DNAH8: variants seen among roughly 807,000 people sequenced by gnomAD.
The protein encoded by DNAH8 is dynein axonemal heavy chain 8.
In DNAH8, 382 loss-of-function variants were observed where a neutral mutation model predicts 562.1. The observed-to-expected ratio is 0.68, with a 90% CI of 0.63 to 0.74. The LOEUF is 0.74. Among genes scored for constraint, DNAH8 ranks in the 30% least tolerant of loss-of-function variants. DNAH8 has a pLI of 0.00. For missense variants in DNAH8, 5,203 were observed against 5,620.4 expected, an observed-to-expected ratio of 0.93 and a Z score of 2.37; for synonymous variants, 1,881 against 1,919.4, an observed-to-expected ratio of 0.98 and a Z score of 0.52.
chr6:38,786,058 T>A (rs1225981450), intron 17 of DNAH8, among the ~76,000 whole-genome samples: 1 of 152,242 alleles, frequency 6.6e-6, no homozygotes, highest in Non-Finnish European at 1.5e-5. Flanking sequence ...TTGTCTATAA[T>A]AAGTGTTTTA....
rs1761860581 is a variant in DNAH8 at position 38,950,959 on chromosome 6, T to TGCTTGCTGACCC, written c.12249-358_12249-347dup. ...CACTACACAAATGGTATGCCACAAA[T>TGCTTGCTGACCC]GCTTGCTGACCCACTTACTTTGGGC... On this transcript the variant is annotated intron_variant, in intron 81 of 92. Coordinates refer to ENST00000327475, the MANE Select transcript of DNAH8 (RefSeq NM_001206927.2). Among the ~76,000 whole-genome samples the TGCTTGCTGACCC allele has an allele frequency of 2.0e-5, 3 of 152,270 alleles. No homozygotes were observed. The South Asian group carries it at 6.2e-4, about 32-fold the overall frequency.
intron 10 of DNAH8, among the ~76,000 whole-genome samples, chr6:38,759,120 T>A (rs1303829074): frequency 6.6e-6 from 1 of 152,030 alleles, no homozygotes; most frequent in African/African-American, 2.4e-5. Flanking sequence ...CTGGGCAACA[T>A]AGAGAGACCT....
intron 80 of DNAH8, 117 bp from the exon 81 acceptor site, chr6:38,949,334 TA>T: frequency 2.8e-6 from 2 of 725,636 alleles, no homozygotes; most frequent in Non-Finnish European, 5.0e-6. Flanking sequence ...ACTGTGCTGT[TA>T]TGCTTGAAAA....
In DNAH8 at chr6:38,974,402, C is replaced by T. The variant is rs1583486241; in HGVS notation, c.12707C>T (p.Pro4236Leu). ...QTSLKFTNEP[P>L]QGVRAGLKRT... ...TCTCTCAAATTCACTAATGAGCCAC[C>T]CCAAGGTGTACGCGCAGGTTTGAAA... The change falls in exon 85 of 93, where the codon CCC becomes CTC. Residue 4236 changes from proline (P) to leucine (L), a missense_variant. Around this residue, in one of 6 missense-constraint regions of DNAH8, gnomAD observed 1,399 missense variants for 1,518.4 expected, o/e 0.92. Coordinates refer to ENST00000327475, the MANE Select transcript of DNAH8 (RefSeq NM_001206927.2). 1 of 1,613,784 alleles carries T rather than the reference C, an allele frequency of 6.2e-7. No homozygotes were observed. Among genetic ancestry groups the T allele is most frequent in the African/African-American group, 1.3e-5 (1 of 75,020 alleles).
chr6:38,875,975 A>G (rs570537071), intron 53 of DNAH8, 147 bp downstream of exon 53: 20 of 629,984 alleles, frequency 3.2e-5, no homozygotes, highest in Middle Eastern at 4.3e-4. Flanking sequence ...TGTATTTGAA[A>G]GAGAGTGGAA....
In DNAH8 at chr6:38,783,709, A is replaced by G. The variant is rs552725808; in HGVS notation, c.2395+570A>G. ...ATGTGAGACGGGATGGTTCTTAGCCATTATCCAGCCCTCCTGGATGTTGTT... is the reference window on the plus strand; with the variant it reads ...ATGTGAGACGGGATGGTTCTTAGCCGTTATCCAGCCCTCCTGGATGTTGTT... On this transcript the variant is annotated intron_variant, in intron 17 of 92. Transcript: ENST00000327475. Among the ~76,000 whole-genome samples the G allele has an allele frequency of 4.6e-5, 7 of 152,316 alleles. 2 individuals carry two copies. In the South Asian group the frequency reaches 1.4e-3, roughly 32 times the overall value.
intron 30 of DNAH8, among the ~76,000 whole-genome samples, chr6:38,830,634 CAAA>C (rs56761180): frequency 0.21 from 19,174 of 90,206 alleles, 1,436 homozygotes; most frequent in African/African-American, 0.33. Context: ...GACTCTATCT[CAAA>C]AAAAAAAAAA....
chr6:38,744,294 A>G (rs1418809441), intron 8 of DNAH8: 1 of 152,222 alleles, frequency 6.6e-6, no homozygotes. Flanking sequence ...GAAACAGAGC[A>G]GATCAAAACT....
In DNAH8 at chr6:38,938,950, G is replaced by A. The variant is rs1265988328; in HGVS notation, c.11969G>A (p.Gly3990Glu). 2.5e-6 allele frequency: 4 copies of A among 1,613,652 alleles called. No individual in the cohort carries two copies. The highest frequency in any genetic ancestry group is 2.2e-5 in the East Asian group (1 of 44,862). Residue 3990 changes from glycine to glutamate, a missense_variant, in exon 79 of 93, where the codon GGG becomes GAG. Coordinates refer to ENST00000327475, the MANE Select transcript of DNAH8 (RefSeq NM_001206927.2). Reference sequence around the variant, plus strand: ...ACCTTAAAGATTGACCTTCAGAGAGGGACAGTTAAGCACAGAGAGTTTCAA... The same window carrying A: ...ACCTTAAAGATTGACCTTCAGAGAGAGACAGTTAAGCACAGAGAGTTTCAA... ...LMTLKIDLQR[G>E]TVKHREFQAL...
At position 38,885,382 on chromosome 6, in the gene DNAH8, C is replaced by T. The variant is rs1778844052; in HGVS notation, c.8259+1384C>T. On this transcript the variant is annotated intron_variant, in intron 56 of 92. Transcript: ENST00000327475. The stretch of plus-strand genomic sequence containing the variant: ...TCACCTCCACTGCTACCACCTGGCG[C>T]CACCCACCACCAGCTCTCTTCTTGA... Among the ~76,000 whole-genome samples, 4 of 152,108 alleles carry T rather than the reference C, an allele frequency of 2.6e-5. No homozygotes were observed. The South Asian group carries it at 8.3e-4, about 32-fold the overall frequency.
intron 8 of DNAH8, among the ~76,000 whole-genome samples, chr6:38,744,932 A>G (rs1309348443): frequency 6.6e-6 from 1 of 152,010 alleles, no homozygotes; most frequent in Non-Finnish European, 1.5e-5. Flanking sequence ...GATATTAATC[A>G]CTCGTTATAT....
At position 38,761,734 on chromosome 6, in the gene DNAH8, A is replaced by G. The variant is rs146078369; in HGVS notation, c.1548A>G (p.Ala516=). The G allele has an allele frequency of 4.0e-5, 62 of 1,561,300 alleles. No homozygotes were observed. The African/African-American group carries it at 6.3e-4, about 16-fold the overall frequency. Residue 516 remains alanine, a synonymous_variant, in exon 11 of 93, where the codon GCA becomes GCG. Coordinates refer to ENST00000327475, the MANE Select transcript of DNAH8 (RefSeq NM_001206927.2). ...ATCAAATGGTAACAGCATGTAAAGC[A>G]TATATTACTGATGGAGGATTAAACC... ...VTNQMVTACK[A]YITDGGLNHV...
intron 11 of DNAH8, among the ~76,000 whole-genome samples, chr6:38,762,359 T>C (rs57764367): frequency 0.038 from 5,755 of 152,298 alleles, 380 homozygotes; most frequent in African/African-American, 0.12. Context: ...AGTCTGTTAA[T>C]GTGATAGATG....
At chr6:38,858,006 A>G (rs905195968) in intron 42 of DNAH8, among the ~76,000 whole-genome samples, 4 of 152,242 alleles carry the variant, frequency 2.6e-5, no homozygotes, top group Non-Finnish European at 5.9e-5. Flanking sequence ...AACCAGGAAC[A>G]TGATATAATT....
intron 8 of DNAH8, among the ~76,000 whole-genome samples, chr6:38,743,006 G>T (rs1205838311): frequency 0.22 from 16,688 of 75,024 alleles, 1,550 homozygotes; most frequent in Middle Eastern, 0.34. Flanking sequence ...TTGTTGTTGT[G>T]CTTTTTTTTT....
At chr6:38,778,161 T>C (rs1270667864) in intron 13 of DNAH8, among the ~76,000 whole-genome samples, 1 of 152,226 alleles carries the variant, frequency 6.6e-6, no homozygotes, top group African/African-American at 2.4e-5. Context: ...TGGCATGTAT[T>C]TTACATTTAT....
intron 26 of DNAH8, 132 bp downstream of exon 26, chr6:38,815,789 G>T (rs901450115): frequency 5.8e-6 from 5 of 858,996 alleles, no homozygotes; most frequent in Non-Finnish European, 5.0e-6. Context: ...TAAACATAAC[G>T]TGCAGGCATT....
rs1781097327 is a variant in DNAH8 at position 38,913,921 on chromosome 6, A to C, written c.9932A>C (p.Glu3311Ala). Residue 3311 changes from glutamate to alanine, a missense_variant, in exon 67 of 93, where the codon GAG becomes GCG. Coordinates refer to ENST00000327475, the MANE Select transcript of DNAH8 (RefSeq NM_001206927.2). The stretch of plus-strand genomic sequence containing the variant: ...CAGGATCTTGCAGTCAAGGAGAAGG[A>C]GTTGGCAGTGGCTTCCATAAAAGCA... ...LSQDLAVKEK[E>A]LAVASIKADE... 1.2e-6 allele frequency: 2 copies of C among 1,612,922 alleles called. No individual in the cohort carries two copies. The highest frequency in any genetic ancestry group is 1.7e-6 in the Non-Finnish European group (2 of 1,179,232).
intron 88 of DNAH8, among the ~76,000 whole-genome samples, chr6:39,007,259 C>A (rs1012329500): frequency 4.6e-5 from 7 of 152,068 alleles, no homozygotes; most frequent in Non-Finnish European, 8.8e-5. Context: ...TGTAGAATTG[C>A]TATATTAAAA....
Sources: allele counts gnomAD v4.1 joint callset (sites outside exome capture counted in the v4.1 genomes callset), GRCh38; gene constraint gnomAD v4.1.1; regional missense constraint gnomAD v4.1.1; transcripts MANE v1.5; gene names NCBI Gene and HGNC (gene_info 2026-07-23, HGNC 2026-07-21).